Variants in NXPE2 observed in about 807,000 individuals in gnomAD.
NXPE2 encodes the protein NXPE family member 2.
A neutral mutation model predicts 34.4 loss-of-function variants in NXPE2; 34 were observed. The ratio of observed to expected loss-of-function variants is 0.99; its 90% CI spans 0.75 to 1.31. The LOEUF (loss-of-function observed/expected upper bound fraction) is 1.31, where lower values mean the gene tolerates loss of function less well. Among genes scored for constraint, NXPE2 ranks in the 40% most tolerant of loss-of-function variants. The pLI is 0.00. For missense variants in NXPE2, 649 were observed against 672.5 expected (o/e 0.97, Z 0.39); for synonymous variants, 235 against 231.3 (o/e 1.02, Z -0.15).
the NXPE2 span, among the ~76,000 whole-genome samples, chr11:114,773,367 A>G: frequency 6.8e-5 from 10 of 146,404 alleles, no homozygotes; most frequent in Non-Finnish European, 1.3e-4. Context: ...TGTCTTTAAG[A>G]TGCTTCCAGA....
At chr11:114,526,056 G>T in the NXPE2 span, among the ~76,000 whole-genome samples, 1 of 152,190 alleles carries the variant, frequency 6.6e-6, no homozygotes, top group Non-Finnish European at 1.5e-5. Context: ...GGAAGAGGGA[G>T]GCAGAAGAGT....
chr11:114,619,314 G>C, the NXPE2 span, among the ~76,000 whole-genome samples: 1 of 150,328 alleles, frequency 6.7e-6, no homozygotes, highest in Non-Finnish European at 1.5e-5. Context: ...ACTGTTCCCC[G>C]CTGGATAATA....
chr11:114,606,051 G>T, the NXPE2 span, among the ~76,000 whole-genome samples: 3 of 150,996 alleles, frequency 2.0e-5, no homozygotes, highest in Non-Finnish European at 4.4e-5. Flanking sequence ...GGTCTGCCTC[G>T]TGGGTAACCA....
At chr11:114,582,424 A>C in the NXPE2 span, 1 of 1,614,176 alleles carries the variant, frequency 6.2e-7, no homozygotes, top group Non-Finnish European at 8.5e-7. Context: ...TTGTCCAGGT[A>C]CTGGCACAAT....
At chr11:114,577,597 C>T in the NXPE2 span, among the ~76,000 whole-genome samples, 3 of 152,098 alleles carry the variant, frequency 2.0e-5, no homozygotes, top group East Asian at 1.9e-4. Flanking sequence ...TGAAAGATTA[C>T]GTGCACGCCA....
chr11:114,555,317 G>A, the NXPE2 span, among the ~76,000 whole-genome samples: 13 of 151,936 alleles, frequency 8.6e-5, no homozygotes, highest in Non-Finnish European at 1.3e-4. Context: ...TCCACCTCCC[G>A]GGTTCAAGTG....
the NXPE2 span, among the ~76,000 whole-genome samples, chr11:114,499,464 C>A: frequency 6.6e-6 from 1 of 151,858 alleles, no homozygotes; most frequent in South Asian, 2.1e-4. Flanking sequence ...TATAAAATTT[C>A]TTCTGAAAAT....
the NXPE2 span, among the ~76,000 whole-genome samples, chr11:114,672,665 G>A: frequency 1.3e-5 from 2 of 151,812 alleles, no homozygotes; most frequent in Admixed American, 1.3e-4. Context: ...TATGAAAGAT[G>A]AGGTGGACAA....
intron 2 of NXPE2, among the ~76,000 whole-genome samples, chr11:114,683,921 G>T (rs1591428390): frequency 1.2e-5 from 1 of 84,324 alleles, no homozygotes; most frequent in African/African-American, 3.6e-5. Flanking sequence ...AAAGAGGTAG[G>T]TTTAACCAGG....
the NXPE2 span, among the ~76,000 whole-genome samples, chr11:114,715,358 T>G: frequency 6.6e-6 from 1 of 152,218 alleles, no homozygotes; most frequent in African/African-American, 2.4e-5. Context: ...AATCAACACA[T>G]TCACAGATAA....
the NXPE2 span, among the ~76,000 whole-genome samples, chr11:114,510,891 A>G: frequency 2.6e-5 from 4 of 152,176 alleles, no homozygotes; most frequent in African/African-American, 7.2e-5. Flanking sequence ...CAGAGAAAGG[A>G]AGGTGTACTA....
intron 1 of NXPE2, 141 bp downstream of exon 1, chr11:114,678,742 T>G (rs1189114436): frequency 1.6e-6 from 1 of 629,348 alleles, no homozygotes; most frequent in East Asian, 2.8e-5. Context: ...ATAAAAATAC[T>G]TTTAAAATGG....
At chr11:114,626,928 G>A in the NXPE2 span, among the ~76,000 whole-genome samples, 1 of 151,986 alleles carries the variant, frequency 6.6e-6, no homozygotes, top group Non-Finnish European at 1.5e-5. Flanking sequence ...AGTGATGGAA[G>A]ATGAAATGAA....
At chr11:114,602,077 A>G in the NXPE2 span, among the ~76,000 whole-genome samples, 1 of 97,148 alleles carries the variant, frequency 1.0e-5, no homozygotes, top group South Asian at 3.2e-4. Flanking sequence ...TATATATTCT[A>G]TATTTTATTA....
At chr11:114,735,609 C>T in the NXPE2 span, among the ~76,000 whole-genome samples, 4 of 152,254 alleles carry the variant, frequency 2.6e-5, no homozygotes, top group East Asian at 7.7e-4. Flanking sequence ...TAGGTGGTAT[C>T]GTCAGATATT....
the NXPE2 span, among the ~76,000 whole-genome samples, chr11:114,805,861 A>C: frequency 1.3e-5 from 2 of 152,198 alleles, no homozygotes; most frequent in Non-Finnish European, 2.9e-5. Flanking sequence ...TTCTCCCAGC[A>C]CGCAGCTTGA....
the NXPE2 span, among the ~76,000 whole-genome samples, chr11:114,663,613 C>T: frequency 4.1e-5 from 4 of 98,268 alleles, no homozygotes; most frequent in African/African-American, 1.4e-4. Context: ...ATCTATCTAT[C>T]TATCTATCTA....
chr11:114,713,595 A>G, the NXPE2 span, among the ~76,000 whole-genome samples: 1 of 152,202 alleles, frequency 6.6e-6, no homozygotes, highest in East Asian at 1.9e-4. Flanking sequence ...TTTGATTGAA[A>G]AAAAGTCAGA....
the NXPE2 span, among the ~76,000 whole-genome samples, chr11:114,617,170 C>T: frequency 2.6e-5 from 4 of 151,452 alleles, no homozygotes; most frequent in African/African-American, 9.7e-5. Flanking sequence ...CCATTGTTAC[C>T]CAGTGGATAA....
Sources: gnomAD v4.1 joint callset for allele counts (sites outside exome capture counted in the v4.1 genomes callset) on GRCh38, gnomAD v4.1.1 for gene constraint, MANE v1.5 for transcripts, NCBI Gene and HGNC (gene_info 2026-07-23, HGNC 2026-07-21) for gene names.